The following YWHAQ variants were observed in gnomAD, a reference collection of about 807,000 sequenced individuals.
YWHAQ encodes the protein tyrosine 3-monooxygenase/tryptophan 5-monooxygenase activation protein theta.
A neutral mutation model predicts 28.3 loss-of-function variants in YWHAQ; 6 were observed. That is an observed-to-expected ratio of 0.21 (90% CI 0.12 to 0.42). YWHAQ has a LOEUF of 0.42. YWHAQ is among the 10% of genes least tolerant of loss of function. The pLI is 1.00. For missense variants in YWHAQ, 201 were observed against 305.6 expected (o/e 0.66, Z 2.55); for synonymous variants, 143 against 119.1 (o/e 1.20, Z -1.31).
At chr2:9,596,012 G>A (rs545033045) in intron 2 of YWHAQ, among the ~76,000 whole-genome samples, 2 of 152,008 alleles carry the variant, frequency 1.3e-5, no homozygotes, top group African/African-American at 2.4e-5. Flanking sequence ...AAAGAAACAA[G>A]GAAAGTGAAA....
At chr2:9,597,944 C>T (rs891115491) in intron 2 of YWHAQ, among the ~76,000 whole-genome samples, 28 of 148,974 alleles carry the variant, frequency 1.9e-4, no homozygotes, top group African/African-American at 6.8e-4. Flanking sequence ...CTCAGCCTCC[C>T]GAGTAACTGG....
chr2:9,623,037 C>T (rs971480847), intron 2 of YWHAQ, among the ~76,000 whole-genome samples: 6 of 152,210 alleles, frequency 3.9e-5, no homozygotes, highest in Non-Finnish European at 7.3e-5. Context: ...CCATAGCCAA[C>T]CAGATTTCCC....
intron 2 of YWHAQ, among the ~76,000 whole-genome samples, chr2:9,623,696 C>T (rs1008903372): frequency 6.6e-5 from 10 of 152,110 alleles, no homozygotes; most frequent in African/African-American, 2.4e-4. Flanking sequence ...TTGCTTGAAC[C>T]CGGAGGCAGA....
intron 2 of YWHAQ, among the ~76,000 whole-genome samples, chr2:9,602,291 G>C (rs973565674): frequency 6.6e-6 from 1 of 151,948 alleles, no homozygotes; most frequent in Non-Finnish European, 1.5e-5. Flanking sequence ...GCCAGGCATG[G>C]TGCCTCATGC....
intron 2 of YWHAQ, among the ~76,000 whole-genome samples, chr2:9,608,631 T>C (rs1401216017): frequency 6.6e-6 from 1 of 151,806 alleles, no homozygotes; most frequent in Non-Finnish European, 1.5e-5. Context: ...ACAAGTGCCA[T>C]AAAAAAAAGC....
chr2:9,598,579 C>T (rs1666624873), intron 2 of YWHAQ, among the ~76,000 whole-genome samples: 2 of 152,274 alleles, frequency 1.3e-5, no homozygotes, highest in South Asian at 4.2e-4. Context: ...TGGTAATTCT[C>T]CCAATATTTC....
chr2:9,595,259 G>T (rs898403128), intron 2 of YWHAQ, among the ~76,000 whole-genome samples: 2 of 152,136 alleles, frequency 1.3e-5, no homozygotes, highest in African/African-American at 4.8e-5. Context: ...AAATAATCAA[G>T]TCTGTATCTG....
chr2:9,617,217 C>T (rs1422603283), intron 2 of YWHAQ, among the ~76,000 whole-genome samples: 2 of 151,958 alleles, frequency 1.3e-5, no homozygotes, highest in Non-Finnish European at 2.9e-5. Flanking sequence ...CCGCCTCGGC[C>T]TCCCAAAGTG....
intron 5 of YWHAQ, 103 bp from the exon 6 acceptor site, chr2:9,585,448 A>C (rs548374954): frequency 7.8e-7 from 1 of 1,289,752 alleles, no homozygotes; most frequent in African/African-American, 1.5e-5. Flanking sequence ...TAAATTCCTC[A>C]AACAATGGAG....
At chr2:9,609,482 A>T (rs1666902830) in intron 2 of YWHAQ, among the ~76,000 whole-genome samples, 1 of 152,226 alleles carries the variant, frequency 6.6e-6, no homozygotes, top group Admixed American at 6.5e-5. Flanking sequence ...AGGAGAGAAC[A>T]GAAAGAATGA....
intron 2 of YWHAQ, among the ~76,000 whole-genome samples, chr2:9,593,591 C>A (rs553424246): frequency 3.4e-4 from 51 of 151,620 alleles, no homozygotes; most frequent in African/African-American, 1.2e-3. Flanking sequence ...GAAGTAGAGG[C>A]AGAGGCAAGA....
At chr2:9,597,985 ATTTTT>A (rs547582835) in intron 2 of YWHAQ, among the ~76,000 whole-genome samples, 132 of 62,474 alleles carry the variant, frequency 2.1e-3, no homozygotes, top group African/African-American at 6.8e-3. Context: ...ATGCCGGGCT[ATTTTT>A]TTTTTTTTTT....
At chr2:9,599,255 A>T (rs749217222) in intron 2 of YWHAQ, among the ~76,000 whole-genome samples, 5 of 152,220 alleles carry the variant, frequency 3.3e-5, no homozygotes. Flanking sequence ...TGACCGAAAG[A>T]AGTCACCTCC....
chr2:9,612,514 TATTCTGTGTGCCATTACACAAA>T (rs974587829), intron 2 of YWHAQ, among the ~76,000 whole-genome samples: 1 of 152,196 alleles, frequency 6.6e-6, no homozygotes, highest in Non-Finnish European at 1.5e-5. Context: ...CAAAGATTGT[TATTCTGTGTGCCATTACACAAA>T]AGGAGTTGGG....
chr2:9,625,275 A>G (rs1489795422), intron 2 of YWHAQ, among the ~76,000 whole-genome samples: 6 of 150,766 alleles, frequency 4.0e-5, no homozygotes, highest in Non-Finnish European at 8.9e-5. Context: ...AAAAAAAAAA[A>G]CCCAAACCCC....
At chr2:9,597,634 CAAAAAAAAA>C (rs562319001) in intron 2 of YWHAQ, among the ~76,000 whole-genome samples, 6 of 75,318 alleles carry the variant, frequency 8.0e-5, no homozygotes, top group African/African-American at 2.6e-4. Flanking sequence ...AACTCCGTCT[CAAAAAAAAA>C]AAAAAAAAAA....
intron 2 of YWHAQ, among the ~76,000 whole-genome samples, chr2:9,614,191 G>GT (rs1361358613): frequency 2.6e-5 from 4 of 152,188 alleles, no homozygotes; most frequent in Non-Finnish European, 4.4e-5. Flanking sequence ...TGGAAGAAAA[G>GT]TTTAATACTT....
intron 2 of YWHAQ, among the ~76,000 whole-genome samples, chr2:9,607,714 T>C (rs1298963967): frequency 6.7e-6 from 1 of 148,442 alleles, no homozygotes; most frequent in Non-Finnish European, 1.5e-5. Context: ...TCTTCCTCTT[T>C]TTTTTTTTTT....
chr2:9,587,749 G>T (rs374787551), intron 4 of YWHAQ, among the ~76,000 whole-genome samples: 1 of 152,220 alleles, frequency 6.6e-6, no homozygotes, highest in East Asian at 1.9e-4. Context: ...CAACGGAACA[G>T]CAGCAATGCT....
Sources: gnomAD v4.1 joint callset for allele counts (sites outside exome capture counted in the v4.1 genomes callset) on GRCh38, gnomAD v4.1.1 for gene constraint, MANE v1.5 for transcripts, NCBI Gene and HGNC (gene_info 2026-07-23, HGNC 2026-07-21) for gene names.